The following ITPR2 variants were observed in gnomAD, a reference collection of about 807,000 sequenced individuals.
ITPR2 encodes inositol 1,4,5-trisphosphate-gated calcium channel ITPR2.
Under a neutral mutation model 317.1 loss-of-function variants are expected in ITPR2, and 207 were observed. The observed-to-expected ratio is 0.65, with a 90% CI of 0.58 to 0.73. The LOEUF (loss-of-function observed/expected upper bound fraction) is 0.73, where lower values mean the gene tolerates loss of function less well. ITPR2 is among the 30% of genes least tolerant of loss of function. The probability of loss-of-function intolerance (pLI) is 0.00; values close to 1 mark genes in which losing one functional copy is unlikely to be tolerated. For missense variants in ITPR2, 2,613 were observed against 3,284.0 expected (o/e 0.80, Z 4.99); for synonymous variants, 1,156 against 1,149.1 (o/e 1.01, Z -0.12).
At chr12:26,402,556 C>T (rs375371523) in intron 52 of ITPR2, among the ~76,000 whole-genome samples, 11 of 152,158 alleles carry the variant, frequency 7.2e-5, no homozygotes, top group Admixed American at 2.6e-4. Context: ...TGGAATAAAA[C>T]GAATTGGCTG....
Position 26,681,930 on chromosome 12 carries a change from T to C in ITPR2, c.1353A>G (p.Val451=), listed in dbSNP as rs747761659. The change falls in exon 13 of 57, where the codon GTA becomes GTG. Residue 451 remains valine, a synonymous_variant. Coordinates refer to ENST00000381340, the MANE Select transcript of ITPR2 (RefSeq NM_002223.4). ...CTAGCTTTTTAACTGTGGTCGCTAG[T>C]ACTTTATTGGCATCATTGGCAAAGT... The part of the protein sequence containing the change: ...DLDFANDANK[V]LATTVKKLEN... 9 of 1,613,524 alleles carry C rather than the reference T, an allele frequency of 5.6e-6. No individual in the cohort carries two copies. The African/African-American group carries it at 1.2e-4, about 22-fold the overall frequency.
At chr12:26,522,052 C>CTATTCTTGTCTAGAAAAA (rs1170257995) in intron 37 of ITPR2, among the ~76,000 whole-genome samples, 2 of 152,150 alleles carry the variant, frequency 1.3e-5, no homozygotes, top group Non-Finnish European at 2.9e-5. Context: ...TATTTTATGT[C>CTATTCTTGTCTAGAAAAA]TATTCTAGCA....
At chr12:26,755,729 C>A (rs1436808475) in intron 2 of ITPR2, among the ~76,000 whole-genome samples, 1 of 152,200 alleles carries the variant, frequency 6.6e-6, no homozygotes, top group African/African-American at 2.4e-5. Flanking sequence ...GGTTATTTTA[C>A]CGAGGCTTTG....
intron 55 of ITPR2, among the ~76,000 whole-genome samples, chr12:26,383,088 TCTCA>T (rs994199119): frequency 1.3e-5 from 2 of 152,142 alleles, no homozygotes; most frequent in Non-Finnish European, 2.9e-5. Flanking sequence ...AGGAGTGATT[TCTCA>T]CTCTATTAGT....
At chr12:26,585,612 C>T (rs1945506587) in intron 32 of ITPR2, among the ~76,000 whole-genome samples, 2 of 152,126 alleles carry the variant, frequency 1.3e-5, no homozygotes, top group African/African-American at 4.8e-5. Context: ...GCCATGTTTC[C>T]CAGGCTGGTC....
At chr12:26,806,397 T>C (rs1950639421) in intron 1 of ITPR2, among the ~76,000 whole-genome samples, 1 of 151,722 alleles carries the variant, frequency 6.6e-6, no homozygotes, top group Non-Finnish European at 1.5e-5. Context: ...GAAAAAGCCT[T>C]GAAAAAAAAA....
At chr12:26,733,546 CTAAAACATAAA>C (rs1949062364) in intron 2 of ITPR2, among the ~76,000 whole-genome samples, 1 of 151,976 alleles carries the variant, frequency 6.6e-6, no homozygotes, top group Admixed American at 6.5e-5. Flanking sequence ...TAATTAAATG[CTAAAACATAAA>C]TAAAAATATT....
At chr12:26,554,590 A>G (rs760841579) in intron 36 of ITPR2, among the ~76,000 whole-genome samples, 5 of 152,136 alleles carry the variant, frequency 3.3e-5, no homozygotes, top group Non-Finnish European at 7.4e-5. Flanking sequence ...AGCAGGACCA[A>G]TTTAGCCTGA....
chr12:26,432,754 T>A (rs947634630), intron 48 of ITPR2, among the ~76,000 whole-genome samples: 4 of 152,166 alleles, frequency 2.6e-5, no homozygotes, highest in Middle Eastern at 3.4e-3. Context: ...TAGGAGATGA[T>A]GTGTCACTGT....
At chr12:26,368,622 C>A (rs959284006) in intron 55 of ITPR2, among the ~76,000 whole-genome samples, 1 of 152,148 alleles carries the variant, frequency 6.6e-6, no homozygotes, top group Non-Finnish European at 1.5e-5. Context: ...AGCTGCCATA[C>A]ATTTTTACTC....
chr12:26,830,215 T>C (rs1354400897), intron 1 of ITPR2, among the ~76,000 whole-genome samples: 1 of 152,242 alleles, frequency 6.6e-6, no homozygotes, highest in Non-Finnish European at 1.5e-5. Flanking sequence ...AATGGCAGCA[T>C]TTCTAAAGAC....
intron 1 of ITPR2, among the ~76,000 whole-genome samples, chr12:26,799,027 A>G (rs916141601): frequency 1.3e-5 from 2 of 152,224 alleles, no homozygotes; most frequent in African/African-American, 4.8e-5. Context: ...CTATTTTTAG[A>G]CATGTCTAAT....
At chr12:26,782,031 TATGTATAGAGAGAGAGAGAG>T (rs1950100763) in intron 2 of ITPR2, among the ~76,000 whole-genome samples, 5 of 20,902 alleles carry the variant, frequency 2.4e-4, no homozygotes, top group South Asian at 1.9e-3. Flanking sequence ...TATATATATA[TATGTATAGAGAGAGAGAGAG>T]AGAGAGAGAG....
chr12:26,414,773 T>C (rs1940667439), intron 51 of ITPR2, among the ~76,000 whole-genome samples: 1 of 152,132 alleles, frequency 6.6e-6, no homozygotes, highest in Admixed American at 6.6e-5. Flanking sequence ...ACTGATAGAT[T>C]TGGTCCATTA....
rs1214116125 is a variant in ITPR2 at position 26,666,158 on chromosome 12, A to ATAGATAGATAGATAGATAGATAGG, written c.1410-108_1410-107insCCTATCTATCTATCTATCTATCTA. ...TAGAGATAGATAGATAGATAGATAGATAGATTTTTTTTTACTTTTTCTTCA... is the reference window on the plus strand; with the variant it reads ...TAGAGATAGATAGATAGATAGATAGATAGATAGATAGATAGATAGATAGGTAGATTTTTTTTTACTTTTTCTTCA... On this transcript the variant is annotated intron_variant, in intron 13 of 56. Coordinates refer to ENST00000381340, the MANE Select transcript of ITPR2 (RefSeq NM_002223.4). 3.2e-5 allele frequency: 14 copies of ATAGATAGATAGATAGATAGATAGG among 437,688 alleles called. No individual in the cohort carries two copies. In the East Asian group the frequency reaches 4.7e-4, roughly 15 times the overall value. 27.1% of individuals were successfully genotyped at this position (437,688 alleles called of 1,614,324 possible).
At chr12:26,816,890 G>A (rs1950864862) in intron 1 of ITPR2, among the ~76,000 whole-genome samples, 1 of 152,056 alleles carries the variant, frequency 6.6e-6, no homozygotes, top group African/African-American at 2.4e-5. Context: ...GGTGGCGAAA[G>A]GGAACTCAGA....
intron 2 of ITPR2, among the ~76,000 whole-genome samples, chr12:26,778,609 A>T (rs117525072): frequency 6.6e-6 from 1 of 152,188 alleles, no homozygotes; most frequent in Non-Finnish European, 1.5e-5. Context: ...GTCCTACTAC[A>T]GGGGTATATC....
At chr12:26,633,796 TTGCCTCCAA>T (rs1250277080) in intron 21 of ITPR2, among the ~76,000 whole-genome samples, 13 of 152,354 alleles carry the variant, frequency 8.5e-5, no homozygotes, top group Admixed American at 3.9e-4. Flanking sequence ...GTATACGTGT[TTGCCTCCAA>T]GAGATGCTTT....
intron 2 of ITPR2, among the ~76,000 whole-genome samples, chr12:26,785,723 T>G (rs12815470): frequency 4.2e-5 from 1 of 23,618 alleles, no homozygotes; most frequent in Admixed American, 5.2e-4. Context: ...GTCCCCCGCC[T>G]GGCCAGCCGC....
Sources: gnomAD v4.1 joint callset for allele counts (sites outside exome capture counted in the v4.1 genomes callset) on GRCh38, gnomAD v4.1.1 for gene constraint, MANE v1.5 for transcripts, NCBI Gene and HGNC (gene_info 2026-07-23, HGNC 2026-07-21) for gene names.